PIEZO2: variants seen among roughly 807,000 people sequenced by gnomAD.
PIEZO2 encodes piezo type mechanosensitive ion channel component 2.
In PIEZO2, 172 loss-of-function variants were observed where a neutral mutation model predicts 337.3. The observed-to-expected ratio is 0.51, with a 90% CI of 0.45 to 0.58. The LOEUF (loss-of-function observed/expected upper bound fraction) is 0.58. Among genes scored for constraint, PIEZO2 ranks in the 20% least tolerant of loss-of-function variants. PIEZO2 has a pLI of 0.00. For synonymous variants in PIEZO2, 1,251 were observed against 1,228.5 expected, an observed-to-expected ratio of 1.02 and a Z score of -0.38; for missense variants, 3,028 against 3,391.3, an observed-to-expected ratio of 0.89 and a Z score of 2.66.
chr18:10,972,009 G>C (rs1368707213), intron 3 of PIEZO2, among the ~76,000 whole-genome samples: 1 of 151,818 alleles, frequency 6.6e-6, no homozygotes, highest in Non-Finnish European at 1.5e-5. Flanking sequence ...GATAACAATG[G>C]CAGCTGGGTG....
At chr18:10,786,739 T>C (rs1437594768) in intron 16 of PIEZO2, among the ~76,000 whole-genome samples, 1 of 152,242 alleles carries the variant, frequency 6.6e-6, no homozygotes, top group Non-Finnish European at 1.5e-5. Context: ...ACTGAAGAAC[T>C]GAGCTCCAAT....
intron 4 of PIEZO2, among the ~76,000 whole-genome samples, chr18:10,898,456 G>T (rs906092657): frequency 1.3e-5 from 2 of 152,202 alleles, no homozygotes; most frequent in African/African-American, 4.8e-5. Flanking sequence ...GAAAGTGTGG[G>T]ATGAAGTCAG....
At chr18:10,772,322 G>A (rs1397348502) in intron 20 of PIEZO2, among the ~76,000 whole-genome samples, 1 of 152,200 alleles carries the variant, frequency 6.6e-6, no homozygotes, top group African/African-American at 2.4e-5. Context: ...ACGTGTAGCT[G>A]CCACAGACAT....
chr18:11,060,092 G>C (rs2037886564), intron 2 of PIEZO2, among the ~76,000 whole-genome samples: 2 of 152,130 alleles, frequency 1.3e-5, no homozygotes, highest in South Asian at 2.1e-4. Context: ...TAGAACTCAG[G>C]ATTAAGAAAC....
At chr18:11,014,649 A>AG (rs2036033104) in intron 2 of PIEZO2, among the ~76,000 whole-genome samples, 1 of 126,226 alleles carries the variant, frequency 7.9e-6, no homozygotes, top group Non-Finnish European at 1.6e-5. Flanking sequence ...ACAGCGATCC[A>AG]TGACCCCCTC....
Position 10,746,854 on chromosome 18 carries a change from T to C in PIEZO2, c.4424+1617A>G, listed in dbSNP as rs1343812968. Among the ~76,000 whole-genome samples the C allele has an allele frequency of 6.6e-6, 1 of 152,118 alleles. No individual in the cohort carries two copies. The highest frequency in any genetic ancestry group is 6.5e-5 in the Admixed American group (1 of 15,274). ...AGCCTGTGGAACTGTAAGAATTGAGTGTATACTGTTTATAGACCACCTACT... is the reference window on the plus strand; with the variant it reads ...AGCCTGTGGAACTGTAAGAATTGAGCGTATACTGTTTATAGACCACCTACT... On this transcript the variant is annotated intron_variant, in intron 30 of 55. Transcript: ENST00000674853. The surrounding 1 kb of genome is among the most constrained non-coding windows in gnomAD (Gnocchi z 4.2).
At chr18:11,024,325 C>A (rs918224380) in intron 2 of PIEZO2, among the ~76,000 whole-genome samples, 4 of 151,978 alleles carry the variant, frequency 2.6e-5, no homozygotes, top group African/African-American at 9.7e-5. Flanking sequence ...GCGAGCAGAT[C>A]ACAAGGTCAG....
At chr18:10,874,336 A>G (rs1021240274) in intron 4 of PIEZO2, among the ~76,000 whole-genome samples, 1 of 152,180 alleles carries the variant, frequency 6.6e-6, no homozygotes, top group African/African-American at 2.4e-5. Context: ...GGATGTGGAG[A>G]AAGGGGAACC....
chr18:10,777,113 C>G (rs1279358924), intron 18 of PIEZO2, among the ~76,000 whole-genome samples: 2 of 152,202 alleles, frequency 1.3e-5, no homozygotes, highest in African/African-American at 4.8e-5. Flanking sequence ...TTCAATCAGG[C>G]TGCTTTGGAT....
chr18:10,714,172 G>A (rs1462417253), intron 39 of PIEZO2, among the ~76,000 whole-genome samples: 1 of 152,120 alleles, frequency 6.6e-6, no homozygotes, highest in Non-Finnish European at 1.5e-5. Flanking sequence ...GCATCTCGTA[G>A]GGTCTTAGAG....
chr18:10,706,531 A>G (rs2035594507), intron 40 of PIEZO2, among the ~76,000 whole-genome samples: 1 of 151,960 alleles, frequency 6.6e-6, no homozygotes, highest in African/African-American at 2.4e-5. Flanking sequence ...CCTACCAACA[A>G]CTTTACTTAC....
intron 1 of PIEZO2, among the ~76,000 whole-genome samples, chr18:11,073,768 A>T (rs942422673): frequency 1.3e-5 from 2 of 152,102 alleles, no homozygotes; most frequent in African/African-American, 2.4e-5. Flanking sequence ...AGTTATCTCC[A>T]TCTAGGGAAA....
Position 10,794,427 on chromosome 18 carries a change from C to T in PIEZO2, c.1758+345G>A, listed in dbSNP as rs915701391. On this transcript the variant is annotated intron_variant, in intron 13 of 55. Transcript: ENST00000674853. This position sits in a 1 kb window ranked among gnomAD's most constrained non-coding sequence, Gnocchi z 6.6. Reference sequence around the variant, plus strand: ...TGTTTTATAAAATGATAATCAAAGACAGTCCTATAATCCCTTAACACATTT... The same window carrying T: ...TGTTTTATAAAATGATAATCAAAGATAGTCCTATAATCCCTTAACACATTT... Among the ~76,000 whole-genome samples, 1 of 152,198 alleles carries T rather than the reference C, an allele frequency of 6.6e-6. No homozygotes were observed. The highest frequency in any genetic ancestry group is 1.5e-5 in the Non-Finnish European group (1 of 68,024).
rs2040334177 is a variant in PIEZO2, at chr18:11,131,302, G to A, written c.64+17223C>T. On this transcript the variant is annotated intron_variant, in intron 1 of 55. Coordinates refer to ENST00000674853, the MANE Select transcript of PIEZO2 (RefSeq NM_001378183.1). The surrounding 1 kb of genome is among the most constrained non-coding windows in gnomAD (Gnocchi z 5.3). ...ACATGATCGGGCTCGAGCAGGTCCT[G>A]AGGGCACAAGTAAGTTACATGAGGA... is the stretch of plus-strand genomic sequence containing the variant. 6.6e-6 allele frequency among the ~76,000 whole-genome samples: 1 copy of A among 152,184 alleles called. No homozygotes were observed. The highest frequency in any genetic ancestry group is 2.4e-5 in the African/African-American group (1 of 41,464).
rs530618180 is a variant in PIEZO2 at position 11,080,512 on chromosome 18, G to C, written c.65-14290C>G. ...TAAGCCTGTGATGATAGTGCAGAAT[G>C]AATAAAGGAATAAAGGGGTTACCTT... On this transcript the variant is annotated intron_variant, in intron 1 of 55. Transcript: ENST00000674853. This position sits in a 1 kb window ranked among gnomAD's most constrained non-coding sequence, Gnocchi z 5.4. Among the ~76,000 whole-genome samples the C allele has an allele frequency of 1.3e-5, 2 of 152,294 alleles. No individual in the cohort carries two copies. Among genetic ancestry groups the C allele is most frequent in the South Asian group, 4.2e-4 (2 of 4,818 alleles).
chr18:10,789,226 G>A lies in PIEZO2; in HGVS notation c.2022C>T (p.Val674=), dbSNP rs1056737202. The part of the protein sequence containing the change: ...EEEDEQDIMK[V]LGNLVVAMFI... ...ACATGGCCACCACCAGATTGCCCAG[G>A]ACTTTCATGATGTCCTGCTCATCTT... is the stretch of plus-strand genomic sequence containing the variant. Residue 674 remains valine, a synonymous_variant, in exon 15 of 56, where the codon GTC becomes GTT. Coordinates refer to ENST00000674853, the MANE Select transcript of PIEZO2 (RefSeq NM_001378183.1). 4 of 1,537,304 alleles carry A rather than the reference G, an allele frequency of 2.6e-6. No individual in the cohort carries two copies. The Admixed American group carries it at 5.9e-5, about 23-fold the overall frequency.
At chr18:11,062,041 G>T (rs1420835660) in intron 2 of PIEZO2, among the ~76,000 whole-genome samples, 2 of 152,126 alleles carry the variant, frequency 1.3e-5, no homozygotes, top group African/African-American at 2.4e-5. Flanking sequence ...AAACAGCATG[G>T]TACTGGTACC....
At chr18:10,873,589 T>C (rs1205483461) in intron 4 of PIEZO2, among the ~76,000 whole-genome samples, 1 of 149,372 alleles carries the variant, frequency 6.7e-6, no homozygotes, top group African/African-American at 2.5e-5. Context: ...ATTGATGATT[T>C]ATTTTTATAT....
intron 4 of PIEZO2, among the ~76,000 whole-genome samples, chr18:10,886,393 T>C (rs1211484193): frequency 0.01 from 283 of 28,210 alleles, 4 homozygotes; most frequent in Non-Finnish European, 0.012. Context: ...TATATATATA[T>C]ATATATATAT....
Sources: gnomAD v4.1 joint callset for allele counts (sites outside exome capture counted in the v4.1 genomes callset) on GRCh38, gnomAD v4.1.1 for gene constraint, Gnocchi (gnomAD v3.1) non-coding constraint, MANE v1.5 for transcripts, NCBI Gene and HGNC (gene_info 2026-07-23, HGNC 2026-07-21) for gene names.